Variants in DPP6 observed in about 807,000 individuals in gnomAD.
DPP6 encodes A-type potassium channel modulatory protein DPP6.
In DPP6, 69 loss-of-function variants were observed where a neutral mutation model predicts 122.6. The observed-to-expected ratio is 0.56, with a 90% CI of 0.46 to 0.69. The LOEUF is 0.69. Ranked by LOEUF, DPP6 falls within the 30% of genes least tolerant of loss-of-function variation. The pLI is 0.00. For missense variants in DPP6, 928 were observed against 1,116.9 expected (o/e 0.83, Z 2.41); for synonymous variants, 418 against 433.1 (o/e 0.97, Z 0.43).
intron 2 of DPP6, among the ~76,000 whole-genome samples, chr7:154,463,195 CTTTTTTTTTTTTTTT>C (rs368362408): frequency 4.8e-5 from 4 of 84,136 alleles, no homozygotes; most frequent in South Asian, 3.5e-4. Flanking sequence ...TTCTCCTTTT[CTTTTTTTTTTTTTTT>C]TTTTTTTTTT....
intron 1 of DPP6, among the ~76,000 whole-genome samples, chr7:154,431,151 G>A (rs1199542738): frequency 1.3e-5 from 2 of 152,308 alleles, no homozygotes; most frequent in African/African-American, 4.8e-5. Flanking sequence ...TCAGAACACC[G>A]TGGTGCCCTG....
intron 1 of DPP6, among the ~76,000 whole-genome samples, chr7:154,128,017 A>G (rs951300135): frequency 6.7e-6 from 1 of 150,138 alleles, no homozygotes; most frequent in African/African-American, 2.5e-5. Context: ...GGTGGAAGAA[A>G]GCCCAAGAAC....
the DPP6 span, among the ~76,000 whole-genome samples, chr7:153,844,138 C>T: frequency 0.088 from 13,391 of 152,198 alleles, 649 homozygotes; most frequent in South Asian, 0.2. Context: ...GCACATCACC[C>T]GCTGTTGGCT....
chr7:154,724,746 G>A (rs1156665689), intron 7 of DPP6, among the ~76,000 whole-genome samples: 1 of 152,000 alleles, frequency 6.6e-6, no homozygotes, highest in African/African-American at 2.4e-5. Context: ...AGGAAGTAGA[G>A]TAGGGGTGCC....
chr7:154,383,411 G>T (rs777262979), intron 1 of DPP6, among the ~76,000 whole-genome samples: 1 of 152,090 alleles, frequency 6.6e-6, no homozygotes, highest in Non-Finnish European at 1.5e-5. Context: ...ATTTGAGTTC[G>T]CATCGATTTG....
chr7:154,523,386 C>G (rs1210452358), intron 3 of DPP6, among the ~76,000 whole-genome samples: 1 of 151,644 alleles, frequency 6.6e-6, no homozygotes, highest in Non-Finnish European at 1.5e-5. Context: ...AATATGTAAA[C>G]ATAAATTATA....
chr7:154,436,141 C>T (rs1192760920), intron 1 of DPP6, among the ~76,000 whole-genome samples: 6 of 151,550 alleles, frequency 4.0e-5, no homozygotes, highest in Admixed American at 2.0e-4. Flanking sequence ...CCCTGGCTTC[C>T]TATTGTGTTT....
chr7:154,373,705 T>A (rs1307642903), intron 1 of DPP6, among the ~76,000 whole-genome samples: 1 of 50,494 alleles, frequency 2.0e-5, no homozygotes, highest in Non-Finnish European at 5.0e-5. Flanking sequence ...TTTACACTGC[T>A]GTGCAGGCAT....
chr7:154,854,539 G>A (rs192567998), intron 17 of DPP6, among the ~76,000 whole-genome samples: 5 of 152,296 alleles, frequency 3.3e-5, no homozygotes, highest in Non-Finnish European at 5.9e-5. Context: ...GAACAGTTAC[G>A]GAGGGTGATC....
intron 18 of DPP6, 90 bp from the exon 19 acceptor site, chr7:154,872,534 A>T: frequency 1.3e-6 from 2 of 1,509,260 alleles, no homozygotes; most frequent in South Asian, 2.5e-5. Flanking sequence ...CACCCAGAGC[A>T]CCCTCACCCC....
chr7:153,808,792 A>G, the DPP6 span, among the ~76,000 whole-genome samples: 2 of 151,998 alleles, frequency 1.3e-5, no homozygotes, highest in Non-Finnish European at 2.9e-5. Context: ...TCATCTATCA[A>G]TGGATTCTTA....
intron 3 of DPP6, among the ~76,000 whole-genome samples, chr7:154,526,889 T>C (rs778821983): frequency 9.9e-5 from 15 of 152,192 alleles, no homozygotes; most frequent in Non-Finnish European, 2.2e-4. Flanking sequence ...AATTTCAGAA[T>C]TGGAGCTTGT....
intron 20 of DPP6, 57 bp downstream of exon 20, chr7:154,876,157 G>A: frequency 6.7e-7 from 1 of 1,489,364 alleles, no homozygotes; most frequent in East Asian, 2.3e-5. Context: ...TCCTCATGGG[G>A]GCAGCACCGC....
intron 1 of DPP6, among the ~76,000 whole-genome samples, chr7:154,101,001 C>T (rs1264247274): frequency 7.5e-6 from 1 of 133,250 alleles, no homozygotes. Flanking sequence ...GCCAACGGTG[C>T]CCCTGACGGA....
intron 1 of DPP6, chr7:154,095,273 C>T (rs1253379929): frequency 1.4e-5 from 2 of 145,698 alleles, no homozygotes; most frequent in Non-Finnish European, 1.5e-5. Context: ...CAGGTTCACA[C>T]CTGTAAGCAT....
At chr7:154,112,047 T>G (rs1349900681) in intron 1 of DPP6, among the ~76,000 whole-genome samples, 1 of 152,132 alleles carries the variant, frequency 6.6e-6, no homozygotes, top group Non-Finnish European at 1.5e-5. Flanking sequence ...AGATTCTCCT[T>G]GCATGTTGGC....
intron 3 of DPP6, among the ~76,000 whole-genome samples, chr7:154,489,491 T>C (rs193294014): frequency 9.3e-4 from 141 of 152,218 alleles, no homozygotes; most frequent in South Asian, 2.9e-3. Flanking sequence ...AGTGTAAAAG[T>C]GGTAGAAATG....
At chr7:153,769,051 T>A in the DPP6 span, among the ~76,000 whole-genome samples, 1 of 152,194 alleles carries the variant, frequency 6.6e-6, no homozygotes, top group African/African-American at 2.4e-5. Context: ...TACAGTAGAA[T>A]TGTCTTCCTA....
intron 1 of DPP6, among the ~76,000 whole-genome samples, chr7:153,971,891 T>C (rs1585112650): frequency 1.4e-5 from 2 of 146,398 alleles, no homozygotes; most frequent in African/African-American, 5.0e-5. Context: ...CCAGGTCTTA[T>C]CTCAATCTCC....
Sources: allele counts gnomAD v4.1 joint callset (sites outside exome capture counted in the v4.1 genomes callset), GRCh38; gene constraint gnomAD v4.1.1; transcripts MANE v1.5; gene names NCBI Gene and HGNC (gene_info 2026-07-23, HGNC 2026-07-21).